CNTN4: variants seen among roughly 807,000 people sequenced by gnomAD.
CNTN4 encodes the protein contactin 4.
A neutral mutation model predicts 122.5 loss-of-function variants in CNTN4; 77 were observed. The ratio of observed to expected loss-of-function variants is 0.63; its 90% CI spans 0.52 to 0.76. The LOEUF is 0.76. Among genes scored for constraint, CNTN4 ranks in the 30% least tolerant of loss-of-function variants. The pLI is 0.00. For synonymous variants in CNTN4, 512 were observed against 447.0 expected, an observed-to-expected ratio of 1.15 and a Z score of -1.83; for missense variants, 1,256 against 1,259.1, an observed-to-expected ratio of 1.00 and a Z score of 0.04.
intron 4 of CNTN4, among the ~76,000 whole-genome samples, chr3:2,720,436 T>C (rs1351707186): frequency 6.6e-6 from 1 of 152,142 alleles, no homozygotes; most frequent in East Asian, 1.9e-4. Flanking sequence ...AGATTAAAGG[T>C]AGGTTTTCTG....
At chr3:2,469,065 G>A (rs1031351307) in intron 3 of CNTN4, among the ~76,000 whole-genome samples, 5 of 152,172 alleles carry the variant, frequency 3.3e-5, no homozygotes, top group African/African-American at 7.2e-5. Flanking sequence ...TAGATGAGAA[G>A]TGGTGTTCTG....
At chr3:2,835,198 C>T (rs1391789813) in intron 7 of CNTN4, among the ~76,000 whole-genome samples, 2 of 151,998 alleles carry the variant, frequency 1.3e-5, no homozygotes, top group Admixed American at 1.3e-4. Flanking sequence ...AGCCACCTCG[C>T]CCGGCAGATA....
chr3:2,123,034 A>G (rs1469793988), intron 2 of CNTN4, among the ~76,000 whole-genome samples: 1 of 152,200 alleles, frequency 6.6e-6, no homozygotes, highest in Non-Finnish European at 1.5e-5. Context: ...TTACACAGCA[A>G]GTAGAAGCCA....
At chr3:2,530,072 T>G (rs1342613142) in intron 3 of CNTN4, among the ~76,000 whole-genome samples, 1 of 152,176 alleles carries the variant, frequency 6.6e-6, no homozygotes, top group Non-Finnish European at 1.5e-5. Context: ...AATCATTACC[T>G]TCTGCTGTTA....
At chr3:2,630,051 A>G (rs1369184952) in intron 4 of CNTN4, among the ~76,000 whole-genome samples, 2 of 152,170 alleles carry the variant, frequency 1.3e-5, no homozygotes, top group African/African-American at 4.8e-5. Flanking sequence ...GGAACACACA[A>G]CCATATTCAT....
chr3:2,204,073 A>G (rs950681911), intron 2 of CNTN4, among the ~76,000 whole-genome samples: 9 of 152,172 alleles, frequency 5.9e-5, no homozygotes, highest in Non-Finnish European at 1.3e-4. Context: ...AAATTCTTAA[A>G]TTTAATAGTA....
intron 2 of CNTN4, among the ~76,000 whole-genome samples, chr3:2,290,698 C>T (rs192799352): frequency 9.2e-5 from 14 of 152,144 alleles, no homozygotes; most frequent in Admixed American, 2.0e-4. Flanking sequence ...TGTATTGTTG[C>T]GAGGGAACAG....
In CNTN4 at chr3:3,039,533, C is replaced by T. The variant is rs937056506; in HGVS notation, c.2164-504C>T. 7 of 182,582 alleles carry T rather than the reference C, an allele frequency of 3.8e-5. No individual in the cohort carries two copies. The East Asian group carries it at 8.2e-4, about 21-fold the overall frequency. 11.3% of individuals were successfully genotyped at this position (182,582 alleles called of 1,614,324 possible). On this transcript the variant is annotated intron_variant, in intron 19 of 24. Transcript: ENST00000418658. ...CTTCATGTTTTTGAAAGATTCTAAA[C>T]AGCCCCAGAAATTAAAATCTCTCAT...
At chr3:2,773,787 G>T (rs2091204778) in intron 6 of CNTN4, among the ~76,000 whole-genome samples, 1 of 51,650 alleles carries the variant, frequency 1.9e-5, no homozygotes, top group Non-Finnish European at 4.2e-5. Context: ...TTGAGACGGA[G>T]TCTCCCTCTG....
chr3:3,043,512 G>A (rs879330736), intron 22 of CNTN4, 80 bp from the exon 23 acceptor site: 21 of 1,133,328 alleles, frequency 1.9e-5, no homozygotes, highest in East Asian at 4.9e-5. Context: ...CTCCACTCTC[G>A]AATTCTAGTA....
chr3:2,707,439 C>T (rs1269840606), intron 4 of CNTN4, among the ~76,000 whole-genome samples: 1 of 152,034 alleles, frequency 6.6e-6, no homozygotes, highest in Admixed American at 6.6e-5. Context: ...ACTCTTAATT[C>T]CAAAGGGGTA....
chr3:2,875,071 C>T (rs2093828158), intron 8 of CNTN4, among the ~76,000 whole-genome samples: 1 of 152,144 alleles, frequency 6.6e-6, no homozygotes, highest in Non-Finnish European at 1.5e-5. Context: ...CAACCTCTGC[C>T]TCCCAGGTTC....
At chr3:2,484,899 G>A (rs1018556199) in intron 3 of CNTN4, among the ~76,000 whole-genome samples, 2 of 152,178 alleles carry the variant, frequency 1.3e-5, no homozygotes, top group Admixed American at 6.5e-5. Context: ...CTCTGCTTGC[G>A]GGAAGGTGTG....
At chr3:3,009,672 A>G (rs1466440300) in intron 14 of CNTN4, among the ~76,000 whole-genome samples, 5 of 152,054 alleles carry the variant, frequency 3.3e-5, no homozygotes, top group Non-Finnish European at 7.4e-5. Flanking sequence ...TGACCTCGTG[A>G]TCTGCCCTCC....
At chr3:2,658,294 T>C (rs937016856) in intron 4 of CNTN4, among the ~76,000 whole-genome samples, 5 of 151,842 alleles carry the variant, frequency 3.3e-5, no homozygotes, top group Non-Finnish European at 5.9e-5. Flanking sequence ...TTTTCCTTTT[T>C]TCTTCCTTTC....
At chr3:2,779,003 A>AAG (rs1397414345) in intron 6 of CNTN4, among the ~76,000 whole-genome samples, 1 of 152,218 alleles carries the variant, frequency 6.6e-6, no homozygotes, top group African/African-American at 2.4e-5. Flanking sequence ...TTACTGTGTT[A>AAG]GCCTCTTAAT....
chr3:2,411,779 C>G (rs1224462189), intron 3 of CNTN4, among the ~76,000 whole-genome samples: 2 of 151,978 alleles, frequency 1.3e-5, no homozygotes, highest in Non-Finnish European at 2.9e-5. Flanking sequence ...TGCCTTTTTG[C>G]TTTTATTCTG....
chr3:2,278,010 C>G (rs899783019), intron 2 of CNTN4, among the ~76,000 whole-genome samples: 2 of 152,040 alleles, frequency 1.3e-5, no homozygotes, highest in African/African-American at 2.4e-5. Flanking sequence ...CAGAAGGTTG[C>G]AACTTGTAAA....
intron 14 of CNTN4, among the ~76,000 whole-genome samples, chr3:3,003,720 A>C (rs1267030956): frequency 2.0e-5 from 3 of 150,642 alleles, no homozygotes; most frequent in Non-Finnish European, 4.4e-5. Flanking sequence ...AAAAACAAAA[A>C]AACCCCACTG....
Sources: allele counts gnomAD v4.1 joint callset (sites outside exome capture counted in the v4.1 genomes callset), GRCh38; gene constraint gnomAD v4.1.1; transcripts MANE v1.5; gene names NCBI Gene and HGNC (gene_info 2026-07-23, HGNC 2026-07-21).